The following FOXN1 variants were observed in gnomAD, a reference collection of about 807,000 sequenced individuals.
FOXN1 encodes forkhead box protein N1.
Under a neutral mutation model 49.0 loss-of-function variants are expected in FOXN1, and 15 were observed. That is an observed-to-expected ratio of 0.31 (90% CI 0.20 to 0.47). The LOEUF (loss-of-function observed/expected upper bound fraction) is 0.47, where lower values mean the gene tolerates loss of function less well. FOXN1 is among the 20% of genes least tolerant of loss of function. The probability of loss-of-function intolerance (pLI) is 1.00; values close to 1 mark genes in which losing one functional copy is unlikely to be tolerated. For synonymous variants in FOXN1, 356 were observed against 369.0 expected, an observed-to-expected ratio of 0.96 and a Z score of 0.40; for missense variants, 800 against 842.8, an observed-to-expected ratio of 0.95 and a Z score of 0.63.
Position 28,523,938 on chromosome 17 carries a change from C to T in FOXN1, c.-14-18C>T, listed in dbSNP as rs1330900080. On this transcript the variant is annotated intron_variant, in intron 1 of 8. Coordinates refer to ENST00000579795, the MANE Select transcript of FOXN1 (RefSeq NM_001369369.1). ...TGGATGCTGGTCCTCACTCTCATGG[C>T]AGACGGCTTTCTTTGAGGCCAGGAC... 6 of 1,613,022 alleles carry T rather than the reference C, an allele frequency of 3.7e-6. No individual in the cohort carries two copies. In the African/African-American group the frequency reaches 8.0e-5, roughly 22 times the overall value.
chr17:28,520,953 G>T (rs144335238), intron 1 of FOXN1, among the ~76,000 whole-genome samples: 90 of 152,316 alleles, frequency 5.9e-4, no homozygotes, highest in African/African-American at 2.1e-3. Flanking sequence ...CCCCAGGACT[G>T]CCAGGCCTGA....
At chr17:28,518,518 T>C (rs1391666182) in intron 1 of FOXN1, among the ~76,000 whole-genome samples, 3 of 152,210 alleles carry the variant, frequency 2.0e-5, no homozygotes, top group Admixed American at 2.0e-4. Flanking sequence ...GCAGTAATGA[T>C]GACTGTTGAT....
At chr17:28,507,214 C>T (rs934057339) in intron 1 of FOXN1, among the ~76,000 whole-genome samples, 6 of 152,122 alleles carry the variant, frequency 3.9e-5, no homozygotes, top group Non-Finnish European at 8.8e-5. Context: ...GGGAAGTGGC[C>T]GAAGCAGCAG....
In FOXN1 at chr17:28,534,362, G is replaced by A; in HGVS notation, c.959G>A (p.Arg320Gln). ...TAPDGWKNSV[R>Q]HNLSLNKCFE... is the part of the protein sequence containing the mutation. Reference sequence around the variant, plus strand: ...CCCGATGGCTGGAAGAATTCTGTCCGGCACAACCTATCCCTCAACAAGTGC... The same window carrying A: ...CCCGATGGCTGGAAGAATTCTGTCCAGCACAACCTATCCCTCAACAAGTGC... Residue 320 changes from arginine to glutamine, a missense_variant, in exon 7 of 9, where the codon CGG (arginine) becomes CAG (glutamine). By Grantham distance (43) the Arg-to-Gln change is conservative. This residue lies in a region of FOXN1 where 73 missense variants were observed against 118.9 expected (regional missense o/e 0.61). Transcript: ENST00000579795. The surrounding 1 kb of genome is among the most constrained non-coding windows in gnomAD (Gnocchi z 4.1). 2 of 1,614,116 alleles carry A rather than the reference G, an allele frequency of 1.2e-6. No individual in the cohort carries two copies. Among genetic ancestry groups the A allele is most frequent in the Non-Finnish European group, 1.7e-6 (2 of 1,180,010 alleles).
intron 4 of FOXN1, among the ~76,000 whole-genome samples, chr17:28,528,524 T>C (rs961394821): frequency 5.3e-5 from 8 of 152,106 alleles, no homozygotes; most frequent in African/African-American, 1.9e-4. Flanking sequence ...AAAGAGCTCT[T>C]CAGCCTGGAG....
chr17:28,507,385 G>A (rs552001804), intron 1 of FOXN1, among the ~76,000 whole-genome samples: 2 of 152,262 alleles, frequency 1.3e-5, no homozygotes, highest in East Asian at 1.9e-4. Flanking sequence ...CTCTTCTCTC[G>A]GCACCTACAG....
At chr17:28,509,345 TCAC>T (rs1387386432) in intron 1 of FOXN1, among the ~76,000 whole-genome samples, 1 of 146,976 alleles carries the variant, frequency 6.8e-6, no homozygotes, top group East Asian at 2.1e-4. Context: ...CTTGCCTCCA[TCAC>T]CACCACCCCA....
chr17:28,519,329 A>G (rs77466483), intron 1 of FOXN1, among the ~76,000 whole-genome samples: 1 of 142,990 alleles, frequency 7.0e-6, no homozygotes, highest in African/African-American at 2.6e-5. Context: ...ACCTTGTCTC[A>G]AAAAAAAAAA....
In FOXN1 at chr17:28,524,879, A is replaced by T. The variant is rs1388129441; in HGVS notation, c.500A>T (p.Glu167Val). The change falls in exon 3 of 9, where the codon GAG (glutamate) becomes GTG (valine). Residue 167 changes from glutamate (E) to valine (V), a missense_variant. Physicochemically the swap from Glu to Val is moderately radical, Grantham distance 121 (BLOSUM62 -2). Transcript: ENST00000579795. ...AFEEIPVDVA[E>V]AEAFLPGFSA... ...GAGGAGATCCCAGTGGACGTGGCGG[A>T]GGCCGAGGCCTTCCTGCCTGGCTTC... The T allele has an allele frequency of 1.2e-6, 2 of 1,613,488 alleles. No homozygotes were observed. Among genetic ancestry groups the T allele is most frequent in the Non-Finnish European group, 1.7e-6 (2 of 1,180,020 alleles).
chr17:28,510,580 G>GCGCA lies in FOXN1; in HGVS notation c.-15+4138_-15+4139insGCAC, dbSNP rs1470828430. Among the ~76,000 whole-genome samples the GCGCA allele has an allele frequency of 1.1e-4, 15 of 138,182 alleles. No individual in the cohort carries two copies. The East Asian group carries it at 1.6e-3, about 15-fold the overall frequency. 90.7% of individuals were successfully genotyped at this position (138,182 alleles called of 152,430 possible). On this transcript the variant is annotated intron_variant, in intron 1 of 8. Coordinates refer to ENST00000579795, the MANE Select transcript of FOXN1 (RefSeq NM_001369369.1). Reference sequence around the variant, plus strand: ...GACACACACACACACGCACACACACGCACACACACACACACACACACACAC... The same window carrying GCGCA: ...GACACACACACACACGCACACACACGCGCACACACACACACACACACACACACAC...
intron 1 of FOXN1, 96 bp from the exon 2 acceptor site, chr17:28,523,860 C>T: frequency 9.1e-7 from 1 of 1,102,598 alleles, no homozygotes; most frequent in Non-Finnish European, 1.4e-6. Flanking sequence ...AGGCAGGGTC[C>T]CAGCCCAAGG....
chr17:28,531,751 C>T (rs1282767369), intron 6 of FOXN1, among the ~76,000 whole-genome samples: 1 of 152,098 alleles, frequency 6.6e-6, no homozygotes, highest in African/African-American at 2.4e-5. Context: ...TTGCTGAGAC[C>T]CGGGTAATCC....
At chr17:28,532,708 G>A (rs954447128) in intron 6 of FOXN1, among the ~76,000 whole-genome samples, 25 of 152,214 alleles carry the variant, frequency 1.6e-4, no homozygotes, top group Admixed American at 4.6e-4. Context: ...CATGCCCAAG[G>A]CAGCTGCTGT....
At chr17:28,519,722 G>C (rs2069602015) in intron 1 of FOXN1, among the ~76,000 whole-genome samples, 1 of 152,062 alleles carries the variant, frequency 6.6e-6, no homozygotes, top group African/African-American at 2.4e-5. Flanking sequence ...CAAAACAAGA[G>C]AGTCAACCCC....
At chr17:28,514,551 C>A (rs2069454914) in intron 1 of FOXN1, among the ~76,000 whole-genome samples, 1 of 152,112 alleles carries the variant, frequency 6.6e-6, no homozygotes, top group South Asian at 2.1e-4. Context: ...TCCTTCCCTG[C>A]CACCCCCATA....
At chr17:28,516,711 C>A (rs2069512829) in intron 1 of FOXN1, among the ~76,000 whole-genome samples, 1 of 148,416 alleles carries the variant, frequency 6.7e-6, no homozygotes, top group Non-Finnish European at 1.5e-5. Context: ...GAATACATAC[C>A]TCCACAGGAT....
At chr17:28,521,104 A>T (rs2069632040) in intron 1 of FOXN1, among the ~76,000 whole-genome samples, 1 of 152,228 alleles carries the variant, frequency 6.6e-6, no homozygotes, top group Non-Finnish European at 1.5e-5. Context: ...CATCCTCACG[A>T]TGACCCTGCG....
chr17:28,508,492 C>T (rs1293838976), intron 1 of FOXN1, among the ~76,000 whole-genome samples: 1 of 152,166 alleles, frequency 6.6e-6, no homozygotes, highest in Non-Finnish European at 1.5e-5. Flanking sequence ...CAACATATCG[C>T]CTCTTTCCTT....
rs1367205069 is a variant in FOXN1, at chr17:28,537,232, C to G, written c.1743C>G (p.Phe581Leu). The G allele has an allele frequency of 6.2e-7, 1 of 1,613,588 alleles. No individual in the cohort carries two copies. ...MPPPQPPPHC[F>L]PPGPCLTETG... ...CACCCCAGCCACCACCTCACTGCTT[C>G]CCCCCTGGGCCCTGTCTGACAGAGA... The change falls in exon 9 of 9, where the codon TTC becomes TTG. Residue 581 changes from phenylalanine to leucine, a missense_variant. Phe to Leu is a conservative substitution (Grantham distance 22). Transcript: ENST00000579795.
Sources: allele counts gnomAD v4.1 joint callset (sites outside exome capture counted in the v4.1 genomes callset), GRCh38; gene constraint gnomAD v4.1.1; regional missense constraint gnomAD v4.1.1; non-coding constraint Gnocchi (gnomAD v3.1); transcripts MANE v1.5; gene names NCBI Gene and HGNC (gene_info 2026-07-23, HGNC 2026-07-21).